The following SEC22A variants were observed in gnomAD, a reference collection of about 807,000 sequenced individuals.
SEC22A encodes the protein SEC22 homolog A, vesicle trafficking protein, also known as vesicle-trafficking protein SEC22a.
A neutral mutation model predicts 35.3 loss-of-function variants in SEC22A; 22 were observed. The observed-to-expected ratio is 0.62, with a 90% CI of 0.45 to 0.89. The LOEUF is 0.89. SEC22A is among the 40% of genes least tolerant of loss of function. The pLI is 0.00. For synonymous variants in SEC22A, 119 were observed against 129.5 expected, an observed-to-expected ratio of 0.92 and a Z score of 0.55; for missense variants, 354 against 362.5, an observed-to-expected ratio of 0.98 and a Z score of 0.19.
At chr3:123,236,354 A>G (rs1204685413) in intron 4 of SEC22A, among the ~76,000 whole-genome samples, 2 of 152,202 alleles carry the variant, frequency 1.3e-5, no homozygotes. Context: ...TAGAATATAT[A>G]TGTCTGATCT....
intron 3 of SEC22A, among the ~76,000 whole-genome samples, chr3:123,224,232 G>A (rs1366602355): frequency 1.3e-5 from 2 of 151,680 alleles, no homozygotes; most frequent in African/African-American, 4.8e-5. Context: ...TTTGGCCTGT[G>A]GGCAGTAGTT....
chr3:123,266,473 T>TA (rs2108108491), intron 6 of SEC22A, among the ~76,000 whole-genome samples: 1 of 152,276 alleles, frequency 6.6e-6, no homozygotes, highest in African/African-American at 2.4e-5. Context: ...TAAATTTTGA[T>TA]ATGTTTTATT....
chr3:123,217,383 A>AT (rs11337123), intron 2 of SEC22A, among the ~76,000 whole-genome samples: 176 of 144,578 alleles, frequency 1.2e-3, no homozygotes, highest in African/African-American at 3.1e-3. Flanking sequence ...GTATTTTTTT[A>AT]TTTTTTTTTT....
chr3:123,207,894 A>T (rs1380349360), intron 1 of SEC22A, among the ~76,000 whole-genome samples: 1 of 152,216 alleles, frequency 6.6e-6, no homozygotes, highest in African/African-American at 2.4e-5. Context: ...CATTAAAACC[A>T]ATATTCCTTT....
At chr3:123,263,110 TC>T (rs1474329757) in intron 6 of SEC22A, among the ~76,000 whole-genome samples, 1 of 152,244 alleles carries the variant, frequency 6.6e-6, no homozygotes, top group Non-Finnish European at 1.5e-5. Flanking sequence ...TAACGCATTC[TC>T]CATTTCTATA....
intron 1 of SEC22A, among the ~76,000 whole-genome samples, chr3:123,206,821 C>G (rs541483323): frequency 4.6e-5 from 7 of 152,310 alleles, no homozygotes; most frequent in African/African-American, 1.2e-4. Context: ...GGCGTGGTAG[C>G]TCATGCCTGT....
intron 4 of SEC22A, among the ~76,000 whole-genome samples, chr3:123,242,479 TCTTA>T (rs1007058942): frequency 4.0e-5 from 6 of 150,662 alleles, no homozygotes; most frequent in Admixed American, 3.3e-4. Flanking sequence ...CTCCATGACA[TCTTA>T]CTTCTTTTTC....
intron 6 of SEC22A, among the ~76,000 whole-genome samples, chr3:123,269,032 A>T (rs1396237125): frequency 6.6e-6 from 1 of 152,216 alleles, no homozygotes; most frequent in Non-Finnish European, 1.5e-5. Flanking sequence ...TTCAGTCAGG[A>T]AATGTGATAA....
At position 123,209,212 on chromosome 3, in the gene SEC22A, G is replaced by A. The variant is rs1936897847; in HGVS notation, c.-6G>A. 6.2e-7 allele frequency: 1 copy of A among 1,613,784 alleles called. No homozygotes were observed. Among genetic ancestry groups the A allele is most frequent in the Non-Finnish European group, 8.5e-7 (1 of 1,179,826 alleles). On this transcript the variant is annotated 5_prime_UTR_variant, in exon 2 of 7. Coordinates refer to ENST00000492595, the MANE Select transcript of SEC22A (RefSeq NM_012430.5). Reference sequence around the variant, plus strand: ...ATTTTGTTTTAGGTCTTCTCTGTTGGTTGAAATGTCTATGATTTTATCTGC... The same window carrying A: ...ATTTTGTTTTAGGTCTTCTCTGTTGATTGAAATGTCTATGATTTTATCTGC...
intron 1 of SEC22A, 64 bp from the exon 2 acceptor site, chr3:123,209,135 T>C: frequency 7.7e-7 from 1 of 1,306,108 alleles, no homozygotes; most frequent in Non-Finnish European, 1.1e-6. Flanking sequence ...TTGAACATTT[T>C]TACATATGCT....
chr3:123,210,600 A>AGG, intron 2 of SEC22A, among the ~76,000 whole-genome samples: 1 of 152,216 alleles, frequency 6.6e-6, no homozygotes, highest in East Asian at 1.9e-4. Context: ...ATAGACATTT[A>AGG]GATTTGGAAG....
At chr3:123,221,702 A>G (rs563375130) in intron 2 of SEC22A, among the ~76,000 whole-genome samples, 22 of 152,056 alleles carry the variant, frequency 1.4e-4, no homozygotes, top group African/African-American at 5.3e-4. Context: ...TTTTTTTCCA[A>G]TAGAATATGG....
intron 3 of SEC22A, among the ~76,000 whole-genome samples, 166 bp downstream of exon 3, chr3:123,223,888 GA>G (rs1259631668): frequency 6.6e-6 from 1 of 152,084 alleles, no homozygotes; most frequent in East Asian, 1.9e-4. Context: ...ATGCTTATTA[GA>G]AAAAAATTGT....
chr3:123,268,775 A>AT lies in SEC22A; in HGVS notation c.724-2746dup, dbSNP rs1230626470. Among the ~76,000 whole-genome samples the AT allele has an allele frequency of 1.2e-4, 19 of 152,270 alleles. No homozygotes were observed. In the South Asian group the frequency reaches 3.3e-3, roughly 27 times the overall value. ...TGTCTCCAAAATGTTTTCTGTGGCTATATTTCTCCTGATCCAGGATTATGC... is the reference window on the plus strand; with the variant it reads ...TGTCTCCAAAATGTTTTCTGTGGCTATTATTTCTCCTGATCCAGGATTATGC... On this transcript the variant is annotated intron_variant, in intron 6 of 6. Transcript: ENST00000492595.
In SEC22A at chr3:123,273,383, G is replaced by T. The variant is rs917494589; in HGVS notation, c.*1661G>T. 1 of 152,204 alleles carries T rather than the reference G, an allele frequency of 6.6e-6. No individual in the cohort carries two copies. Among genetic ancestry groups the T allele is most frequent in the Admixed American group, 6.5e-5 (1 of 15,284 alleles). The allele number at this position is 152,204 out of a possible 1,614,324, so 9.4% of individuals were successfully genotyped here. A position where few individuals can be genotyped will look rare whatever the true frequency, so the allele number is the denominator to read the frequency against. On this transcript the variant is annotated 3_prime_UTR_variant, in exon 7 of 7. Coordinates refer to ENST00000492595, the MANE Select transcript of SEC22A (RefSeq NM_012430.5). ...AAACAGGAAATAGTAGTTGGCTCCA[G>T]TCTTCTCCTCTAACAAAAGTATGCA...
At chr3:123,219,880 A>T (rs1011115590) in intron 2 of SEC22A, among the ~76,000 whole-genome samples, 1 of 152,202 alleles carries the variant, frequency 6.6e-6, no homozygotes, top group African/African-American at 2.4e-5. Flanking sequence ...AAAAAGCAGA[A>T]TTTTTTTCAT....
chr3:123,217,562 A>G (rs1315933894), intron 2 of SEC22A, among the ~76,000 whole-genome samples: 3 of 152,254 alleles, frequency 2.0e-5, no homozygotes, highest in Non-Finnish European at 4.4e-5. Context: ...TAGAGATGGT[A>G]TGTCCTATTA....
chr3:123,251,223 G>A (rs1037687412), intron 5 of SEC22A, among the ~76,000 whole-genome samples: 18 of 152,052 alleles, frequency 1.2e-4, no homozygotes, highest in South Asian at 8.3e-4. Flanking sequence ...AAAACAGTTC[G>A]TCACAACTAT....
At chr3:123,268,996 A>G (rs575523618) in intron 6 of SEC22A, among the ~76,000 whole-genome samples, 3 of 152,354 alleles carry the variant, frequency 2.0e-5, no homozygotes, top group African/African-American at 7.2e-5. Flanking sequence ...GCTGTATAGT[A>G]TAATATGCTG....
Sources: gnomAD v4.1 joint callset for allele counts (sites outside exome capture counted in the v4.1 genomes callset) on GRCh38, gnomAD v4.1.1 for gene constraint, MANE v1.5 for transcripts, NCBI Gene and HGNC (gene_info 2026-07-23, HGNC 2026-07-21) for gene names.